KIAA1328: variants seen among roughly 807,000 people sequenced by gnomAD.
KIAA1328 encodes the protein protein hinderin.
A neutral mutation model predicts 68.1 loss-of-function variants in KIAA1328; 52 were observed. The ratio of observed to expected loss-of-function variants is 0.76; its 90% CI spans 0.61 to 0.96. KIAA1328 has a LOEUF of 0.96. Among genes scored for constraint, KIAA1328 ranks in the 40% least tolerant of loss-of-function variants. KIAA1328 has a pLI of 0.00. For synonymous variants in KIAA1328, 232 were observed against 239.4 expected (o/e 0.97, Z 0.28); for missense variants, 641 against 677.6 (o/e 0.95, Z 0.60).
At chr18:36,958,988 C>A (rs1556838042) in intron 5 of KIAA1328, among the ~76,000 whole-genome samples, 1 of 151,384 alleles carries the variant, frequency 6.6e-6, no homozygotes, top group Non-Finnish European at 1.5e-5. Context: ...GCATTTTCAG[C>A]TTGTTTTGTT....
chr18:37,219,480 C>T (rs968551456), intron 9 of KIAA1328, among the ~76,000 whole-genome samples: 1 of 152,186 alleles, frequency 6.6e-6, no homozygotes, highest in Admixed American at 6.5e-5. Context: ...CGGTGGGCTC[C>T]ACCCAGTTTG....
chr18:37,171,807 G>T (rs898150326), intron 8 of KIAA1328, among the ~76,000 whole-genome samples: 1 of 152,152 alleles, frequency 6.6e-6, no homozygotes, highest in Non-Finnish European at 1.5e-5. Flanking sequence ...TACTCAAGAG[G>T]CTGAGGCAAG....
In KIAA1328 at chr18:37,102,643, GA is replaced by G. The variant is rs2057657357; in HGVS notation, c.1232+35101del. On this transcript the variant is annotated intron_variant, in intron 7 of 9. Coordinates refer to ENST00000280020, the MANE Select transcript of KIAA1328 (RefSeq NM_020776.3). ...ATACCACACCAAATGGGGAAAAGCTGAAAGTCTTTCCACTAAACCTGGAAGA... is the reference window on the plus strand; with the variant it reads ...ATACCACACCAAATGGGGAAAAGCTGAAGTCTTTCCACTAAACCTGGAAGA... Among the ~76,000 whole-genome samples, 4 of 152,162 alleles carry G rather than the reference GA, an allele frequency of 2.6e-5. No homozygotes were observed. In the South Asian group the frequency reaches 8.3e-4, roughly 31 times the overall value.
chr18:36,952,791 T>C (rs987423676), intron 5 of KIAA1328, among the ~76,000 whole-genome samples: 15 of 152,178 alleles, frequency 9.9e-5, no homozygotes, highest in African/African-American at 3.6e-4. Flanking sequence ...AGGACAGTTC[T>C]GGTTAGTATA....
intron 5 of KIAA1328, chr18:36,955,977 C>T (rs1360719127): frequency 1.3e-5 from 2 of 152,174 alleles, no homozygotes; most frequent in African/African-American, 4.8e-5. Flanking sequence ...TTGGCAGCCT[C>T]TTAGTAGTAT....
intron 6 of KIAA1328, among the ~76,000 whole-genome samples, chr18:37,046,756 T>C (rs1310205792): frequency 1.3e-5 from 2 of 152,172 alleles, no homozygotes; most frequent in African/African-American, 4.8e-5. Context: ...AGAATTTTGC[T>C]CTCCTAGACC....
chr18:36,951,815 T>G (rs1205095432), intron 5 of KIAA1328, among the ~76,000 whole-genome samples: 1 of 152,228 alleles, frequency 6.6e-6, no homozygotes, highest in Admixed American at 6.5e-5. Context: ...TTATCCCTAT[T>G]TTCTACCATT....
intron 9 of KIAA1328, among the ~76,000 whole-genome samples, chr18:37,210,214 G>A (rs1056076718): frequency 7.2e-5 from 11 of 152,150 alleles, no homozygotes; most frequent in East Asian, 1.9e-4. Context: ...AATTGGTAAC[G>A]TGGAGTCAAG....
In KIAA1328 at chr18:37,223,066, C is replaced by T; in HGVS notation, c.*839C>T. 1.1e-6 allele frequency: 1 copy of T among 873,228 alleles called. No individual in the cohort carries two copies. Among genetic ancestry groups the T allele is most frequent in the Non-Finnish European group, 1.4e-6 (1 of 733,756 alleles). The allele number at this position is 873,228 out of a possible 1,614,324, so 54.1% of individuals were successfully genotyped here. ...TTATTCACCCCACCCCCCCACCCCCCATCACACGTGCTCCTGTGAACTTTC... is the reference window on the plus strand; with the variant it reads ...TTATTCACCCCACCCCCCCACCCCCTATCACACGTGCTCCTGTGAACTTTC... On this transcript the variant is annotated 3_prime_UTR_variant, in exon 10 of 10. Transcript: ENST00000280020.
At chr18:37,193,446 T>G (rs2059945195) in intron 9 of KIAA1328, 1 of 608,848 alleles carries the variant, frequency 1.6e-6, no homozygotes, top group African/African-American at 1.8e-5. Context: ...TAAATTAGAG[T>G]TAGGTCAAAT....
At chr18:37,200,266 C>T (rs192450775) in intron 9 of KIAA1328, among the ~76,000 whole-genome samples, 29 of 152,292 alleles carry the variant, frequency 1.9e-4, no homozygotes, top group East Asian at 3.9e-4. Context: ...AAACAATGAG[C>T]GGGCTGATAC....
At chr18:36,941,205 A>G (rs1285047340) in intron 5 of KIAA1328, among the ~76,000 whole-genome samples, 1 of 152,190 alleles carries the variant, frequency 6.6e-6, no homozygotes, top group Non-Finnish European at 1.5e-5. Context: ...CATATTTAAA[A>G]ATATGTATAC....
At chr18:37,146,314 TCC>T (rs2058899326) in intron 7 of KIAA1328, among the ~76,000 whole-genome samples, 1 of 152,160 alleles carries the variant, frequency 6.6e-6, no homozygotes, top group Non-Finnish European at 1.5e-5. Flanking sequence ...ATCATTTAGC[TCC>T]CACTTATAAG....
At chr18:37,067,749 G>A (rs1167681039) in intron 7 of KIAA1328, among the ~76,000 whole-genome samples, 2 of 151,998 alleles carry the variant, frequency 1.3e-5, no homozygotes, top group South Asian at 2.1e-4. Flanking sequence ...TAGTAGAGAC[G>A]GGGTTTCACT....
At chr18:37,205,875 A>T (rs1188454423) in intron 9 of KIAA1328, among the ~76,000 whole-genome samples, 1 of 152,140 alleles carries the variant, frequency 6.6e-6, no homozygotes, top group Non-Finnish European at 1.5e-5. Context: ...GTAAAGGTTT[A>T]CTCAGGTTTA....
chr18:37,053,285 G>T (rs1171253852), intron 6 of KIAA1328, among the ~76,000 whole-genome samples: 1 of 152,166 alleles, frequency 6.6e-6, no homozygotes, highest in Admixed American at 6.6e-5. Flanking sequence ...CTAGCCATAT[G>T]CAGAGGAAAG....
intron 6 of KIAA1328, among the ~76,000 whole-genome samples, chr18:37,014,886 C>T (rs1236203571): frequency 1.3e-5 from 2 of 152,052 alleles, no homozygotes; most frequent in African/African-American, 4.8e-5. Flanking sequence ...TTTAAATATC[C>T]ATCTTGAGTT....
chr18:37,187,659 T>C (rs747089197), intron 9 of KIAA1328, among the ~76,000 whole-genome samples: 1 of 152,178 alleles, frequency 6.6e-6, no homozygotes, highest in Non-Finnish European at 1.5e-5. Flanking sequence ...TTTTTTTTAA[T>C]GTTTTACTTT....
intron 6 of KIAA1328, among the ~76,000 whole-genome samples, chr18:36,978,630 C>G (rs1223432848): frequency 6.6e-6 from 1 of 152,104 alleles, no homozygotes; most frequent in African/African-American, 2.4e-5. Context: ...TCATTATTGT[C>G]ATTAGGAGAT....
Sources: allele counts gnomAD v4.1 joint callset (sites outside exome capture counted in the v4.1 genomes callset), GRCh38; gene constraint gnomAD v4.1.1; transcripts MANE v1.5; gene names NCBI Gene and HGNC (gene_info 2026-07-23, HGNC 2026-07-21).